The following MAGI2 variants were observed in gnomAD, a reference collection of about 807,000 sequenced individuals.
MAGI2 encodes membrane-associated guanylate kinase, WW and PDZ domain-containing protein 2.
MAGI2 carries 35 observed loss-of-function variants against 133.3 expected under a neutral mutation model. The ratio of observed to expected loss-of-function variants is 0.26; its 90% CI spans 0.20 to 0.35. The LOEUF (loss-of-function observed/expected upper bound fraction) is 0.35, where lower values mean the gene tolerates loss of function less well. MAGI2 is among the 10% of genes least tolerant of loss of function. MAGI2 has a pLI of 1.00. For synonymous variants in MAGI2, 729 were observed against 710.6 expected, an observed-to-expected ratio of 1.03 and a Z score of -0.41; for missense variants, 1,636 against 1,863.4, an observed-to-expected ratio of 0.88 and a Z score of 2.25.
intron 1 of MAGI2, among the ~76,000 whole-genome samples, chr7:79,407,561 G>T (rs1845889033): frequency 6.6e-6 from 1 of 152,006 alleles, no homozygotes; most frequent in Non-Finnish European, 1.5e-5. Flanking sequence ...TCACATTTCT[G>T]GGCTCAGCTT....
intron 2 of MAGI2, among the ~76,000 whole-genome samples, chr7:78,697,869 A>T (rs1471318472): frequency 6.6e-6 from 1 of 152,104 alleles, no homozygotes. Context: ...TCTGAGATAT[A>T]CTATAGTTAT....
intron 2 of MAGI2, among the ~76,000 whole-genome samples, chr7:78,814,349 T>TC (rs1447317363): frequency 6.6e-6 from 1 of 152,134 alleles, no homozygotes; most frequent in Non-Finnish European, 1.5e-5. Flanking sequence ...ATAATAGCGG[T>TC]ATAATCTGTA....
intron 1 of MAGI2, among the ~76,000 whole-genome samples, chr7:79,386,507 T>C (rs1483069628): frequency 6.6e-6 from 1 of 152,020 alleles, no homozygotes; most frequent in Non-Finnish European, 1.5e-5. Context: ...AAAAAGAATA[T>C]TGATACTTAG....
At chr7:78,252,029 C>G (rs1276335900) in intron 10 of MAGI2, 1 of 151,406 alleles carries the variant, frequency 6.6e-6, no homozygotes, top group Non-Finnish European at 1.5e-5. Flanking sequence ...GTCCTACCTA[C>G]TGGAGAAGCT....
chr7:78,682,779 G>A (rs889007530), intron 2 of MAGI2, among the ~76,000 whole-genome samples: 3 of 152,058 alleles, frequency 2.0e-5, no homozygotes, highest in African/African-American at 7.2e-5. Flanking sequence ...TCCCATTACT[G>A]GGTATATACC....
At chr7:78,196,029 G>A (rs187926037) in intron 11 of MAGI2, among the ~76,000 whole-genome samples, 1 of 152,314 alleles carries the variant, frequency 6.6e-6, no homozygotes, top group Admixed American at 6.5e-5. Context: ...GAGGGTCATG[G>A]CGGGCTCCTT....
chr7:78,034,986 C>G (rs984387556), intron 21 of MAGI2: 6 of 152,404 alleles, frequency 3.9e-5, no homozygotes, highest in African/African-American at 1.4e-4. Context: ...CACATGGATT[C>G]TGTAGTTGAA....
chr7:78,346,807 T>C (rs1427513064), intron 7 of MAGI2, among the ~76,000 whole-genome samples: 1 of 152,198 alleles, frequency 6.6e-6, no homozygotes, highest in African/African-American at 2.4e-5. Context: ...GTGGTGGGCC[T>C]ATGCTGCTCT....
chr7:78,489,944 T>C, intron 5 of MAGI2, 104 bp from the exon 6 acceptor site: 2 of 771,974 alleles, frequency 2.6e-6, no homozygotes, highest in Non-Finnish European at 4.3e-6. Flanking sequence ...TTGCAATCGA[T>C]ACACTTAATT....
At chr7:79,289,423 C>G (rs1836283143) in intron 1 of MAGI2, among the ~76,000 whole-genome samples, 1 of 152,032 alleles carries the variant, frequency 6.6e-6, no homozygotes, top group Admixed American at 6.6e-5. Context: ...TTTTCTAACA[C>G]CTTTGAGGGC....
rs141211475 is a variant in MAGI2 at position 79,339,383 on chromosome 7, G to A, written c.301+113637C>T. 2.6e-3 allele frequency among the ~76,000 whole-genome samples: 397 copies of A among 151,270 alleles called. 3 individuals carry two copies. The highest frequency in any genetic ancestry group is 9.2e-3 in the African/African-American group (380 of 41,158). On this transcript the variant is annotated intron_variant, in intron 1 of 21. Transcript: ENST00000354212. The stretch of plus-strand genomic sequence containing the variant: ...AGGTAATATACTTTGACTCCACACT[G>A]TTACAGATGATGCAATCAGTCAATA...
At chr7:78,509,132 A>T (rs768297871) in intron 4 of MAGI2, among the ~76,000 whole-genome samples, 85 of 149,282 alleles carry the variant, frequency 5.7e-4, no homozygotes, top group Non-Finnish European at 1.1e-3. Context: ...CAGAACAAGA[A>T]TTTTTTTTTT....
At chr7:78,800,592 AT>A (rs1242862758) in intron 2 of MAGI2, among the ~76,000 whole-genome samples, 2 of 152,140 alleles carry the variant, frequency 1.3e-5, no homozygotes, top group East Asian at 3.8e-4. Flanking sequence ...AAATAGAACA[AT>A]TTTTGGTCTA....
intron 1 of MAGI2, among the ~76,000 whole-genome samples, chr7:79,040,647 G>A (rs1199670143): frequency 2.0e-5 from 3 of 152,152 alleles, no homozygotes; most frequent in Non-Finnish European, 4.4e-5. Context: ...TGGACCATGG[G>A]GGTGGTTTTC....
intron 1 of MAGI2, among the ~76,000 whole-genome samples, chr7:79,095,169 C>A (rs77240864): frequency 0.037 from 5,593 of 152,284 alleles, 228 homozygotes; most frequent in African/African-American, 0.099. Context: ...CCTCTGCGAA[C>A]TTCCAACTTT....
intron 2 of MAGI2, among the ~76,000 whole-genome samples, chr7:78,903,560 G>A (rs1292444043): frequency 1.3e-5 from 2 of 152,108 alleles, no homozygotes; most frequent in Non-Finnish European, 2.9e-5. Flanking sequence ...GAACACAATG[G>A]TAGTACAGAT....
chr7:78,696,533 G>A (rs1220882450), intron 2 of MAGI2, among the ~76,000 whole-genome samples: 1 of 152,040 alleles, frequency 6.6e-6, no homozygotes, highest in East Asian at 1.9e-4. Flanking sequence ...TTCATCCACA[G>A]ATGAAGGACA....
chr7:78,883,768 T>C (rs1475491513), intron 2 of MAGI2, among the ~76,000 whole-genome samples: 1 of 152,160 alleles, frequency 6.6e-6, no homozygotes, highest in Non-Finnish European at 1.5e-5. Flanking sequence ...GACTCCCTAT[T>C]TAATAACTGG....
At chr7:79,391,528 T>TATATAGAC (rs1844635388) in intron 1 of MAGI2, among the ~76,000 whole-genome samples, 3 of 91,240 alleles carry the variant, frequency 3.3e-5, no homozygotes, top group South Asian at 4.2e-4. Context: ...TATATATATA[T>TATATAGAC]ATATATATAG....
Sources: allele counts gnomAD v4.1 joint callset (sites outside exome capture counted in the v4.1 genomes callset), GRCh38; gene constraint gnomAD v4.1.1; transcripts MANE v1.5; gene names NCBI Gene and HGNC (gene_info 2026-07-23, HGNC 2026-07-21).